Variants in MYT1L observed in about 807,000 individuals in gnomAD.
The protein encoded by MYT1L is myelin transcription factor 1 like.
Under a neutral mutation model 126.7 loss-of-function variants are expected in MYT1L, and 12 were observed. The ratio of observed to expected loss-of-function variants is 0.09; its 90% CI spans 0.06 to 0.15. The LOEUF (loss-of-function observed/expected upper bound fraction) is 0.15, where lower values mean the gene tolerates loss of function less well. Ranked by LOEUF, MYT1L falls within the 10% of genes least tolerant of loss-of-function variation. MYT1L has a pLI of 1.00. For missense variants in MYT1L, 979 were observed against 1,585.2 expected, an observed-to-expected ratio of 0.62 and a Z score of 6.49; for synonymous variants, 541 against 604.2, an observed-to-expected ratio of 0.90 and a Z score of 1.53.
At chr2:2,245,857 G>T (rs1196861155) in intron 2 of MYT1L, among the ~76,000 whole-genome samples, 1 of 152,176 alleles carries the variant, frequency 6.6e-6, no homozygotes. Flanking sequence ...ATGCTAGGCT[G>T]CTGGCTGTGA....
At chr2:2,169,612 T>C (rs1211643476) in intron 3 of MYT1L, among the ~76,000 whole-genome samples, 2 of 152,228 alleles carry the variant, frequency 1.3e-5, no homozygotes, top group African/African-American at 2.4e-5. Flanking sequence ...TGGTATTTTA[T>C]TCTCCATGTT....
At chr2:1,935,663 A>C (rs1330132757) in intron 9 of MYT1L, among the ~76,000 whole-genome samples, 1 of 152,208 alleles carries the variant, frequency 6.6e-6, no homozygotes, top group African/African-American at 2.4e-5. Context: ...CAGTGAAGCT[A>C]GGTGACTCGC....
In MYT1L at chr2:1,912,777, C is replaced by A. The variant is rs1321654117; in HGVS notation, c.1619-667G>T. On this transcript the variant is annotated intron_variant, in intron 11 of 24. Transcript: ENST00000647738. This position sits in a 1 kb window ranked among gnomAD's most constrained non-coding sequence, Gnocchi z 4.3. ...GCGGGAGAGGCCTCTTGCATGGACA[C>A]CTTTTGTGGTGCAAGGATGCTACTG... Among the ~76,000 whole-genome samples the A allele has an allele frequency of 6.6e-6, 1 of 152,090 alleles. No homozygotes were observed. Among genetic ancestry groups the A allele is most frequent in the Non-Finnish European group, 1.5e-5 (1 of 68,044 alleles).
intron 2 of MYT1L, among the ~76,000 whole-genome samples, chr2:2,257,049 A>G (rs1243633803): frequency 6.6e-6 from 1 of 152,156 alleles, no homozygotes; most frequent in Non-Finnish European, 1.5e-5. Context: ...TGAACTATGC[A>G]TTCCTGTGCC....
At chr2:1,913,402 T>C (rs1431692233) in intron 11 of MYT1L, among the ~76,000 whole-genome samples, 1 of 151,862 alleles carries the variant, frequency 6.6e-6, no homozygotes, top group Non-Finnish European at 1.5e-5. Flanking sequence ...CTGGAGGGGG[T>C]CACAGGAGGG....
At chr2:2,313,660 A>C (rs1195904203) in intron 1 of MYT1L, among the ~76,000 whole-genome samples, 1 of 152,166 alleles carries the variant, frequency 6.6e-6, no homozygotes, top group East Asian at 1.9e-4. Flanking sequence ...GGGTGTGGCT[A>C]TATACTATAT....
chr2:2,252,604 A>G (rs1053893605), intron 2 of MYT1L, among the ~76,000 whole-genome samples: 6 of 152,266 alleles, frequency 3.9e-5, no homozygotes, highest in Admixed American at 3.9e-4. Context: ...CTATAACACC[A>G]CAGGTGTGTG....
At chr2:2,242,640 T>C (rs1240974648) in intron 2 of MYT1L, among the ~76,000 whole-genome samples, 1 of 152,026 alleles carries the variant, frequency 6.6e-6, no homozygotes, top group Non-Finnish European at 1.5e-5. Flanking sequence ...GCAGGCAGGG[T>C]CCCCAATCCC....
intron 8 of MYT1L, among the ~76,000 whole-genome samples, chr2:1,978,797 T>C (rs1354815337): frequency 2.6e-5 from 4 of 152,094 alleles, no homozygotes; most frequent in African/African-American, 9.7e-5. Context: ...CCGTTCATTG[T>C]TTACCATCCT....
chr2:1,931,270 C>T (rs2054934659), intron 9 of MYT1L, among the ~76,000 whole-genome samples: 1 of 152,242 alleles, frequency 6.6e-6, no homozygotes, highest in Non-Finnish European at 1.5e-5. Context: ...AGAGAGGATG[C>T]CTAGTGCGCA....
intron 3 of MYT1L, among the ~76,000 whole-genome samples, chr2:2,061,626 G>A (rs996137372): frequency 5.3e-5 from 8 of 152,048 alleles, no homozygotes; most frequent in East Asian, 1.9e-4. Flanking sequence ...AAGATGAAAC[G>A]CGTAACTGCG....
intron 3 of MYT1L, among the ~76,000 whole-genome samples, chr2:2,106,022 A>T (rs35314672): frequency 6.6e-6 from 1 of 151,934 alleles, no homozygotes; most frequent in African/African-American, 2.4e-5. Context: ...AAACACCTTC[A>T]AATCAGAAGC....
chr2:1,812,098 G>C (rs2036756262), intron 21 of MYT1L, among the ~76,000 whole-genome samples: 1 of 152,188 alleles, frequency 6.6e-6, no homozygotes, highest in African/African-American at 2.4e-5. Context: ...CTTCCTGCAG[G>C]TGTGTCTGCG....
intron 3 of MYT1L, among the ~76,000 whole-genome samples, chr2:2,122,082 C>T (rs73911401): frequency 2.9e-3 from 436 of 152,284 alleles, no homozygotes; most frequent in African/African-American, 9.3e-3. Flanking sequence ...ATGATGTGCA[C>T]GTGGACCTGA....
At chr2:1,838,962 G>A (rs2041266446) in intron 21 of MYT1L, among the ~76,000 whole-genome samples, 187 bp downstream of exon 21, 1 of 152,224 alleles carries the variant, frequency 6.6e-6, no homozygotes, top group African/African-American at 2.4e-5. Flanking sequence ...CCTAATGTAA[G>A]TTTAAGATGT....
intron 4 of MYT1L, among the ~76,000 whole-genome samples, chr2:2,017,726 CTCCATCCATCCA>C (rs146462005): frequency 2.6e-5 from 4 of 151,850 alleles, no homozygotes; most frequent in East Asian, 1.9e-4. Flanking sequence ...CCATCCATCC[CTCCATCCATCCA>C]TCCATCCATC....
At chr2:1,844,343 A>G (rs1400612903) in intron 19 of MYT1L, among the ~76,000 whole-genome samples, 1 of 152,166 alleles carries the variant, frequency 6.6e-6, no homozygotes, top group African/African-American at 2.4e-5. Context: ...GATGAAAACA[A>G]GGGAACGTTT....
intron 11 of MYT1L, among the ~76,000 whole-genome samples, chr2:1,915,925 G>A (rs773855654): frequency 5.3e-5 from 8 of 152,098 alleles, no homozygotes; most frequent in Non-Finnish European, 1.0e-4. Flanking sequence ...TGTCGATTGC[G>A]GGTTCAGTGA....
intron 2 of MYT1L, among the ~76,000 whole-genome samples, chr2:2,234,011 C>T (rs1290127269): frequency 6.6e-6 from 1 of 152,204 alleles, no homozygotes; most frequent in African/African-American, 2.4e-5. Context: ...TAAGTCCATG[C>T]TTGTTTTGTA....
Sources: allele counts gnomAD v4.1 joint callset (sites outside exome capture counted in the v4.1 genomes callset), GRCh38; gene constraint gnomAD v4.1.1; non-coding constraint Gnocchi (gnomAD v3.1); transcripts MANE v1.5; gene names NCBI Gene and HGNC (gene_info 2026-07-23, HGNC 2026-07-21).